The following PLA2G6 variants were observed in gnomAD, a reference collection of about 807,000 sequenced individuals.
PLA2G6 encodes the protein 85/88 kDa calcium-independent phospholipase A2.
PLA2G6 carries 62 observed loss-of-function variants against 83.8 expected under a neutral mutation model. That is an observed-to-expected ratio of 0.74 (90% CI 0.60 to 0.91). The LOEUF (loss-of-function observed/expected upper bound fraction) is 0.91. Ranked by LOEUF, PLA2G6 falls within the 40% of genes least tolerant of loss-of-function variation. The pLI is 0.00. For synonymous variants in PLA2G6, 417 were observed against 449.8 expected (o/e 0.93, Z 0.92); for missense variants, 944 against 1,102.0 (o/e 0.86, Z 2.03).
At chr22:38,139,257 GC>G (rs2088738424) in intron 5 of PLA2G6, 1 of 152,214 alleles carries the variant, frequency 6.6e-6, no homozygotes, top group Non-Finnish European at 1.5e-5. Context: ...TAGAGGAGGG[GC>G]CAGGTGGGCC....
At chr22:38,175,778 G>A (rs1296479763) in intron 1 of PLA2G6, among the ~76,000 whole-genome samples, 1 of 152,134 alleles carries the variant, frequency 6.6e-6, no homozygotes, top group Non-Finnish European at 1.5e-5. Context: ...TGAGAATGGG[G>A]GTGCATCTGT....
At chr22:38,161,380 G>A (rs560199864) in intron 2 of PLA2G6, among the ~76,000 whole-genome samples, 12 of 152,130 alleles carry the variant, frequency 7.9e-5, no homozygotes, top group African/African-American at 1.4e-4. Context: ...TTGCCTCTTC[G>A]TCTAAGGGCA....
chr22:38,170,936 C>T (rs546514843), intron 1 of PLA2G6, among the ~76,000 whole-genome samples: 20 of 152,028 alleles, frequency 1.3e-4, no homozygotes, highest in African/African-American at 4.8e-4. Context: ...TTTGGGAGGC[C>T]GACTCGGGCG....
intron 14 of PLA2G6, among the ~76,000 whole-genome samples, 161 bp downstream of exon 14, chr22:38,115,366 A>T (rs535221280): frequency 9.2e-5 from 14 of 152,318 alleles, no homozygotes; most frequent in Admixed American, 3.3e-4. Context: ...CCACCCATGG[A>T]ACAGGTTCCA....
chr22:38,164,001 C>T (rs1452646533), intron 2 of PLA2G6, among the ~76,000 whole-genome samples: 3 of 152,134 alleles, frequency 2.0e-5, no homozygotes, highest in African/African-American at 7.2e-5. Context: ...TCATCCTTCC[C>T]AGGATGCCTG....
Position 38,143,174 on chromosome 22 carries a change from A to G in PLA2G6, c.540T>C (p.Asp180=). 1 of 1,614,224 alleles carries G rather than the reference A, an allele frequency of 6.2e-7. No homozygotes were observed. Among genetic ancestry groups the G allele is most frequent in the Non-Finnish European group, 8.5e-7 (1 of 1,180,038 alleles). ...CGGTCTCTCCCTTGTAGTCGGTGAC[A>G]TCCATCTGAGTGTGGCAGTACTGCA... ...ELVQYCHTQM[D]VTDYKGETVF... The change falls in exon 4 of 17, where the codon GAT becomes GAC. Residue 180 remains aspartate, a synonymous_variant. Coordinates refer to ENST00000332509, the MANE Select transcript of PLA2G6 (RefSeq NM_003560.4).
At position 38,112,726 on chromosome 22, in the gene PLA2G6, G is replaced by C. The variant is rs924565808; in HGVS notation, c.2203-149C>G. ...GAGCCACACAGCAGCAGAGCGGCTCGGGCAAAACCCCTTCCTGGGACTGCA... is the reference window on the plus strand; with the variant it reads ...GAGCCACACAGCAGCAGAGCGGCTCCGGCAAAACCCCTTCCTGGGACTGCA... On this transcript the variant is annotated intron_variant, in intron 15 of 16. Transcript: ENST00000332509. 1.4e-4 allele frequency: 99 copies of C among 701,948 alleles called. 1 individual carries two copies. Among genetic ancestry groups the C allele is most frequent in the Non-Finnish European group, 2.4e-4 (94 of 391,302 alleles). The allele number at this position is 701,948 out of a possible 1,614,324, so 43.5% of individuals were successfully genotyped here.
Position 38,135,010 on chromosome 22 carries a change from A to G in PLA2G6, c.872T>C (p.Leu291Pro). The G allele has an allele frequency of 7.6e-7, 1 of 1,310,202 alleles. No homozygotes were observed. Among genetic ancestry groups the G allele is most frequent in the Non-Finnish European group, 1.0e-6 (1 of 971,946 alleles). The allele number at this position is 1,310,202 out of a possible 1,614,324, so 81.2% of individuals were successfully genotyped here. A position where few individuals can be genotyped will look rare whatever the true frequency, so the allele number is the denominator to read the frequency against. Residue 291 changes from leucine to proline, a missense_variant, in exon 6 of 17, where the codon CTC becomes CCC. Leu to Pro is a moderately conservative substitution (Grantham distance 98). Coordinates refer to ENST00000332509, the MANE Select transcript of PLA2G6 (RefSeq NM_003560.4). The stretch of plus-strand genomic sequence containing the variant: ...CACCTCTGCGTTCTTGGCCCAGTGG[A>G]GGGGGCTGGCTCCGTAACGGGGGTC... ...SKDPRYGASPLHWAKNAEMAR... is the reference protein window; with the variant it reads ...SKDPRYGASPPHWAKNAEMAR...
chr22:38,116,378 G>A lies in PLA2G6; in HGVS notation c.1743-167C>T, dbSNP rs563618596. ...CATCCCCGCAAAACAGGCTCTCTCC[G>A]GCAGTGCTGGAGGAGTGTCAGATTG... On this transcript the variant is annotated intron_variant, in intron 12 of 16. Transcript: ENST00000332509. 9.2e-5 allele frequency: 73 copies of A among 797,208 alleles called. 1 individual carries two copies. The highest frequency in any genetic ancestry group is 8.8e-4 in the South Asian group (60 of 68,500). 49.4% of individuals were successfully genotyped at this position (797,208 alleles called of 1,614,324 possible). A position where few individuals can be genotyped will look rare whatever the true frequency, so the allele number is the denominator to read the frequency against.
intron 2 of PLA2G6, among the ~76,000 whole-genome samples, chr22:38,158,575 C>T (rs1173533140): frequency 1.3e-5 from 2 of 152,206 alleles, no homozygotes; most frequent in African/African-American, 4.8e-5. Flanking sequence ...TTTATAGTTA[C>T]ATTTTTGCTA....
chr22:38,142,938 G>T (rs1363188840), intron 4 of PLA2G6, 167 bp downstream of exon 4: 1 of 751,690 alleles, frequency 1.3e-6, no homozygotes, highest in Non-Finnish European at 2.4e-6. Context: ...GGGCTGGGAG[G>T]GAAGAGCCAG....
At chr22:38,160,113 T>C (rs1240757206) in intron 2 of PLA2G6, among the ~76,000 whole-genome samples, 1 of 152,210 alleles carries the variant, frequency 6.6e-6, no homozygotes, top group African/African-American at 2.4e-5. Flanking sequence ...GATATCCAAA[T>C]GGTTAATCAC....
chr22:38,119,578 T>G (rs2087405470), intron 12 of PLA2G6, among the ~76,000 whole-genome samples: 1 of 152,154 alleles, frequency 6.6e-6, no homozygotes, highest in South Asian at 2.1e-4. Flanking sequence ...GGCTGATGCC[T>G]GTAATGGGAA....
At chr22:38,159,725 A>AAGGAAGGAAGGAAGGAAGG (rs2089933491) in intron 2 of PLA2G6, among the ~76,000 whole-genome samples, 1 of 143,104 alleles carries the variant, frequency 7.0e-6, no homozygotes, top group African/African-American at 2.7e-5. Context: ...GAGATAGATG[A>AAGGAAGGAAGGAAGGAAGG]AAGGAAGGAA....
intron 2 of PLA2G6, among the ~76,000 whole-genome samples, chr22:38,156,523 G>A (rs132959): frequency 0.094 from 14,234 of 151,690 alleles, 749 homozygotes; most frequent in South Asian, 0.14. Flanking sequence ...GCGCGATCTC[G>A]GCTCACTACC....
chr22:38,139,415 T>TTTATTTATTTA (rs2088752755), intron 5 of PLA2G6: 15 of 147,414 alleles, frequency 1.0e-4, no homozygotes, highest in South Asian at 2.2e-4. Context: ...ATAAATTTAT[T>TTTATTTATTTA]TTTATTTATT....
At chr22:38,133,119 G>C (rs2088328925) in intron 6 of PLA2G6, 106 bp from the exon 7 acceptor site, 2 of 1,117,464 alleles carry the variant, frequency 1.8e-6, no homozygotes, top group African/African-American at 1.5e-5. Context: ...ACAGGTACTG[G>C]GATGTTGGAA....
intron 15 of PLA2G6, chr22:38,112,786 G>C: frequency 1.6e-6 from 1 of 617,100 alleles, no homozygotes; most frequent in Non-Finnish European, 2.9e-6. Context: ...GAGGGGCAGA[G>C]GTCTCAGCAG....
intron 9 of PLA2G6, chr22:38,126,846 T>C (rs1017210864): frequency 5.5e-6 from 2 of 363,240 alleles, no homozygotes; most frequent in African/African-American, 2.1e-5. Flanking sequence ...AGAATTCTTA[T>C]TCCCTATTGA....
Sources: gnomAD v4.1 joint callset for allele counts (sites outside exome capture counted in the v4.1 genomes callset) on GRCh38, gnomAD v4.1.1 for gene constraint, MANE v1.5 for transcripts, NCBI Gene and HGNC (gene_info 2026-07-23, HGNC 2026-07-21) for gene names.